RANBP2: variants seen among roughly 807,000 people sequenced by gnomAD.
RANBP2 encodes the protein RAN binding protein 2, also known as E3 SUMO-protein ligase RanBP2.
In RANBP2, 57 loss-of-function variants were observed where a neutral mutation model predicts 303.6. The observed-to-expected ratio is 0.19, with a 90% CI of 0.15 to 0.23. The LOEUF (loss-of-function observed/expected upper bound fraction) is 0.23, where lower values mean the gene tolerates loss of function less well. RANBP2 is among the 10% of genes least tolerant of loss of function. RANBP2 has a pLI of 1.00. For synonymous variants in RANBP2, 1,167 were observed against 1,301.5 expected, an observed-to-expected ratio of 0.90 and a Z score of 2.23; for missense variants, 3,138 against 3,780.8, an observed-to-expected ratio of 0.83 and a Z score of 4.46.
At chr2:109,299,907 T>A in the RANBP2 span, among the ~76,000 whole-genome samples, 1 of 152,106 alleles carries the variant, frequency 6.6e-6, no homozygotes, top group African/African-American at 2.4e-5. Context: ...GAATGACAAG[T>A]AGGATGTGCA....
At chr2:109,256,442 T>C in the RANBP2 span, among the ~76,000 whole-genome samples, 1 of 152,018 alleles carries the variant, frequency 6.6e-6, no homozygotes, top group East Asian at 1.9e-4. Context: ...TACCATTGAC[T>C]GAAACAGGGA....
chr2:109,704,468 G>C, the RANBP2 span, among the ~76,000 whole-genome samples: 3 of 151,900 alleles, frequency 2.0e-5, no homozygotes, highest in African/African-American at 7.3e-5. Flanking sequence ...GGAGGTTGAG[G>C]CTGCAGTGAG....
At chr2:108,990,161 G>A in the RANBP2 span, among the ~76,000 whole-genome samples, 2 of 152,130 alleles carry the variant, frequency 1.3e-5, no homozygotes, top group African/African-American at 2.4e-5. Flanking sequence ...GCCGGGCGCG[G>A]TGGCTCACGC....
At chr2:109,365,407 C>A in the RANBP2 span, among the ~76,000 whole-genome samples, 1 of 152,206 alleles carries the variant, frequency 6.6e-6, no homozygotes, top group Admixed American at 6.5e-5. Context: ...TTGGGGATTT[C>A]TGGTATTTCC....
the RANBP2 span, among the ~76,000 whole-genome samples, chr2:109,347,291 C>T: frequency 6.6e-6 from 1 of 152,152 alleles, no homozygotes; most frequent in African/African-American, 2.4e-5. Context: ...TCAGATTCTA[C>T]CTACTGCTCC....
the RANBP2 span, among the ~76,000 whole-genome samples, chr2:109,239,185 G>T: frequency 2.6e-5 from 4 of 152,152 alleles, no homozygotes; most frequent in Non-Finnish European, 5.9e-5. Flanking sequence ...TTCCCTGGGT[G>T]TGAGCCCTGC....
the RANBP2 span, among the ~76,000 whole-genome samples, chr2:108,948,657 T>C: frequency 2.6e-5 from 4 of 152,118 alleles, no homozygotes; most frequent in Admixed American, 2.0e-4. Context: ...CAGACACTTA[T>C]CAAACAACCA....
At chr2:109,530,585 G>A in the RANBP2 span, among the ~76,000 whole-genome samples, 1 of 152,202 alleles carries the variant, frequency 6.6e-6, no homozygotes, top group African/African-American at 2.4e-5. Flanking sequence ...GATATGCAAG[G>A]TTCTAATAAA....
the RANBP2 span, among the ~76,000 whole-genome samples, chr2:109,150,748 G>A: frequency 3.9e-5 from 6 of 152,042 alleles, no homozygotes; most frequent in Admixed American, 3.9e-4. Context: ...GTGGGTTGGG[G>A]TTAGAATTCT....
At chr2:108,772,712 A>T in intron 22 of RANBP2, 131 bp downstream of exon 22, 1 of 1,209,846 alleles carries the variant, frequency 8.3e-7, no homozygotes, top group Non-Finnish European at 1.2e-6. Flanking sequence ...CTTAAAACTA[A>T]CAGGTGAAAA....
At chr2:108,884,903 C>T in the RANBP2 span, 1 of 152,222 alleles carries the variant, frequency 6.6e-6, no homozygotes, top group African/African-American at 2.4e-5. Context: ...TGTGGCCAGG[C>T]TTTTCAGCCC....
At chr2:109,300,449 G>A in the RANBP2 span, among the ~76,000 whole-genome samples, 1 of 152,092 alleles carries the variant, frequency 6.6e-6, no homozygotes, top group African/African-American at 2.4e-5. Flanking sequence ...CAAAGTGCTG[G>A]GATTATAGGT....
the RANBP2 span, among the ~76,000 whole-genome samples, chr2:109,279,515 C>T: frequency 2.0e-5 from 3 of 152,192 alleles, no homozygotes; most frequent in South Asian, 2.1e-4. Flanking sequence ...AAGTCGCCAC[C>T]GCCCCCTCCA....
At chr2:108,912,878 G>C in the RANBP2 span, 2 of 821,962 alleles carry the variant, frequency 2.4e-6, no homozygotes, top group Admixed American at 2.0e-5. Flanking sequence ...AGGCAGTGAT[G>C]GCTGAGGGGA....
chr2:109,445,316 C>CAAG, the RANBP2 span, among the ~76,000 whole-genome samples: 2 of 152,284 alleles, frequency 1.3e-5, no homozygotes, highest in South Asian at 4.1e-4. Context: ...GGCTCAAGTC[C>CAAG]TCACACAGAA....
chr2:109,087,809 G>A, the RANBP2 span, among the ~76,000 whole-genome samples: 1 of 152,118 alleles, frequency 6.6e-6, no homozygotes, highest in East Asian at 1.9e-4. Context: ...AGCAGGAACA[G>A]GGCAGCCTCC....
the RANBP2 span, among the ~76,000 whole-genome samples, chr2:109,698,689 CT>C: frequency 1.8e-3 from 265 of 143,290 alleles, no homozygotes; most frequent in Middle Eastern, 3.6e-3. Context: ...TGCATGACAG[CT>C]TTTTTTTTTT....
the RANBP2 span, among the ~76,000 whole-genome samples, chr2:109,528,772 G>A: frequency 3.3e-5 from 5 of 152,204 alleles, no homozygotes; most frequent in Non-Finnish European, 7.3e-5. Flanking sequence ...GACAAAGGGG[G>A]TTAAGGTTGC....
chr2:109,524,484 C>T, the RANBP2 span, among the ~76,000 whole-genome samples: 10 of 140,844 alleles, frequency 7.1e-5, no homozygotes, highest in African/African-American at 1.7e-4. Context: ...ACACTGGGCG[C>T]GATGGCTCAC....
Sources: gnomAD v4.1 joint callset for allele counts (sites outside exome capture counted in the v4.1 genomes callset) on GRCh38, gnomAD v4.1.1 for gene constraint, MANE v1.5 for transcripts, NCBI Gene and HGNC (gene_info 2026-07-23, HGNC 2026-07-21) for gene names.